DPY19L2: variants seen among roughly 807,000 people sequenced by gnomAD.
DPY19L2 encodes probable C-mannosyltransferase DPY19L2.
DPY19L2 carries 34 observed loss-of-function variants against 97.9 expected under a neutral mutation model. The observed-to-expected ratio is 0.35, with a 90% CI of 0.26 to 0.46. The LOEUF (loss-of-function observed/expected upper bound fraction) is 0.46. DPY19L2 is among the 20% of genes least tolerant of loss of function. The pLI, the probability that DPY19L2 is intolerant of heterozygous loss-of-function variation, is 1.00. For synonymous variants in DPY19L2, 230 were observed against 307.9 expected (o/e 0.75, Z 2.65); for missense variants, 623 against 911.4 (o/e 0.68, Z 4.07).
chr12:63,570,732 T>C, intron 20 of DPY19L2, 26 bp downstream of exon 20: 1 of 1,604,528 alleles, frequency 6.2e-7, no homozygotes, highest in Non-Finnish European at 8.5e-7. Flanking sequence ...AAGTGAGTCT[T>C]GAAGAAATAC....
Position 63,596,029 on chromosome 12 carries a change from C to T in DPY19L2, c.1470G>A (p.Leu490=), listed in dbSNP as rs776871419. Reference sequence around the variant, plus strand: ...GAAGCAATAATGTCTTTGTGTATCTCAGCGGAGTCTGAAATATACCAAATT... The same window carrying T: ...GAAGCAATAATGTCTTTGTGTATCTTAGCGGAGTCTGAAATATACCAAATT... ...EFDFMEKATP[L]RYTKTLLLPV... The change falls in exon 15 of 22, where the codon CTG becomes CTA. Residue 490 remains leucine, a synonymous_variant. Transcript: ENST00000324472. 5.6e-6 allele frequency: 9 copies of T among 1,599,840 alleles called. No individual in the cohort carries two copies. Among genetic ancestry groups the T allele is most frequent in the Middle Eastern group, 1.7e-4 (1 of 6,014 alleles).
intron 8 of DPY19L2, among the ~76,000 whole-genome samples, chr12:63,623,461 G>C (rs1414293956): frequency 1.3e-5 from 2 of 152,018 alleles, no homozygotes; most frequent in Admixed American, 6.5e-5. Context: ...AAGAGAAAAT[G>C]TAATTGTTTC....
rs541846168 is a variant in DPY19L2, at chr12:63,655,650, T to C, written c.588+5694A>G. 3.0e-4 allele frequency among the ~76,000 whole-genome samples: 45 copies of C among 152,040 alleles called. 1 individual carries two copies. Among genetic ancestry groups the C allele is most frequent in the Non-Finnish European group, 5.3e-4 (36 of 68,006 alleles). The stretch of plus-strand genomic sequence containing the variant: ...ACCATATCAGGATCTGTGGCCTATT[T>C]TTGTACCAGTAATGTGAAAAGGATA... On this transcript the variant is annotated intron_variant, in intron 4 of 21. Coordinates refer to ENST00000324472, the MANE Select transcript of DPY19L2 (RefSeq NM_173812.5).
Position 63,597,864 on chromosome 12 carries a change from T to C in DPY19L2, c.1406A>G (p.Asp469Gly), listed in dbSNP as rs749318591. 6.2e-7 allele frequency: 1 copy of C among 1,606,580 alleles called. No individual in the cohort carries two copies. The highest frequency in any genetic ancestry group is 8.5e-7 in the Non-Finnish European group (1 of 1,177,774). ...ACAGGTATATATTAAAGTATCAAAA[T>C]CTGTATACCTTAAGATTCTGGCTGC... ...LIAARILRYTDFDTLIYTCAP... is the reference protein window; with the variant it reads ...LIAARILRYTGFDTLIYTCAP... The change falls in exon 14 of 22, where the codon GAT becomes GGT. Residue 469 changes from aspartate (D) to glycine (G), a missense_variant. By Grantham distance (94) the Asp-to-Gly change is moderately conservative. Around this residue, in one of 6 missense-constraint regions of DPY19L2, gnomAD observed 294 missense variants for 446.2 expected, o/e 0.66. Transcript: ENST00000324472.
intron 4 of DPY19L2, among the ~76,000 whole-genome samples, chr12:63,660,169 T>C (rs887878310): frequency 1.3e-5 from 2 of 152,088 alleles, no homozygotes; most frequent in African/African-American, 4.8e-5. Context: ...CAATTCCACT[T>C]CTAGGTATAT....
At chr12:63,602,508 G>T (rs2939862) in intron 12 of DPY19L2, among the ~76,000 whole-genome samples, 2 of 152,060 alleles carry the variant, frequency 1.3e-5, no homozygotes, top group African/African-American at 4.8e-5. Flanking sequence ...CAAGAAAACT[G>T]TCCAGAAATA....
intron 11 of DPY19L2, among the ~76,000 whole-genome samples, chr12:63,611,360 G>T (rs1376504462): frequency 6.6e-6 from 1 of 151,598 alleles, no homozygotes; most frequent in African/African-American, 2.4e-5. Context: ...AAATAATCCA[G>T]CAGCTAACAA....
At chr12:63,597,981 T>C (rs1884526838) in intron 13 of DPY19L2, 71 bp from the exon 14 acceptor site, 4 of 1,206,528 alleles carry the variant, frequency 3.3e-6, no homozygotes, top group Admixed American at 2.6e-5. Flanking sequence ...TAATACTTTA[T>C]TGATGTAAGA....
At chr12:63,662,856 T>C (rs142950717) in intron 3 of DPY19L2, among the ~76,000 whole-genome samples, 3,381 of 152,150 alleles carry the variant, frequency 0.022, 144 homozygotes, top group African/African-American at 0.077. Flanking sequence ...GGGATGAAAA[T>C]TAAAAAGCAG....
Position 63,595,965 on chromosome 12 carries a change from C to T in DPY19L2, c.1533+1G>A, listed in dbSNP as rs1281069309. ...ACAAATAATAATTTGTTTAAAAATA[C>T]CTTTTTAAAGATAAAACATGTAATC... On this transcript the variant is annotated splice_donor_variant, in intron 15 of 21. Coordinates refer to ENST00000324472, the MANE Select transcript of DPY19L2 (RefSeq NM_173812.5). LOFTEE classifies it high-confidence loss of function. 2 of 1,573,516 alleles carry T rather than the reference C, an allele frequency of 1.3e-6. No homozygotes were observed. The highest frequency in any genetic ancestry group is 1.7e-6 in the Non-Finnish European group (2 of 1,157,622).
intron 6 of DPY19L2, among the ~76,000 whole-genome samples, chr12:63,628,938 T>A (rs1229237714): frequency 6.6e-6 from 1 of 151,852 alleles, no homozygotes; most frequent in East Asian, 1.9e-4. Flanking sequence ...CATCCACTGC[T>A]GATACCCACG....
intron 11 of DPY19L2, among the ~76,000 whole-genome samples, chr12:63,613,341 GA>G (rs1887318341): frequency 1.3e-5 from 2 of 152,094 alleles, no homozygotes; most frequent in African/African-American, 4.8e-5. Flanking sequence ...TATAACATTT[GA>G]AAATCAACCA....
At chr12:63,583,859 C>A in intron 16 of DPY19L2, 23 bp from the exon 17 acceptor site, 1 of 1,601,138 alleles carries the variant, frequency 6.2e-7, no homozygotes, top group Non-Finnish European at 8.5e-7. Context: ...AAAAATATTA[C>A]CTATTTACTG....
chr12:63,605,794 A>G (rs747914911), intron 12 of DPY19L2, among the ~76,000 whole-genome samples: 90 of 152,326 alleles, frequency 5.9e-4, no homozygotes, highest in Admixed American at 9.8e-4. Flanking sequence ...ATATTTGTGT[A>G]TAACATCTGG....
intron 11 of DPY19L2, among the ~76,000 whole-genome samples, chr12:63,615,605 C>T (rs1191320994): frequency 6.6e-6 from 1 of 152,122 alleles, no homozygotes; most frequent in African/African-American, 2.4e-5. Context: ...GACTGTGGTT[C>T]TTCAACAAAT....
In DPY19L2 at chr12:63,575,228, A is replaced by G. The variant is rs371454990; in HGVS notation, c.1901-4371T>C. Among the ~76,000 whole-genome samples, 15 of 152,220 alleles carry G rather than the reference A, an allele frequency of 9.9e-5. No homozygotes were observed. The East Asian group carries it at 2.7e-3, about 27-fold the overall frequency. ...ATGCTCCTGAATGACTGGTAGGTTA[A>G]TAAAGAAATCAAGAAGGAAATTGAA... On this transcript the variant is annotated intron_variant, in intron 19 of 21. Transcript: ENST00000324472.
chr12:63,666,907 C>T (rs1292703103), intron 1 of DPY19L2, among the ~76,000 whole-genome samples: 1 of 152,072 alleles, frequency 6.6e-6, no homozygotes. Context: ...TGGCTAACAA[C>T]ATAAATGCAA....
At chr12:63,646,245 C>G (rs973723601) in intron 5 of DPY19L2, among the ~76,000 whole-genome samples, 71 of 152,242 alleles carry the variant, frequency 4.7e-4, no homozygotes, top group African/African-American at 1.6e-3. Context: ...TAACTTATCA[C>G]TTATTGGGAA....
At chr12:63,584,777 G>A (rs1881496875) in intron 16 of DPY19L2, among the ~76,000 whole-genome samples, 1 of 152,150 alleles carries the variant, frequency 6.6e-6, no homozygotes, top group Non-Finnish European at 1.5e-5. Context: ...CCAAAGAGAA[G>A]CTGTAAAGTG....
Sources: allele counts gnomAD v4.1 joint callset (sites outside exome capture counted in the v4.1 genomes callset), GRCh38; gene constraint gnomAD v4.1.1; regional missense constraint gnomAD v4.1.1; transcripts MANE v1.5; gene names NCBI Gene and HGNC (gene_info 2026-07-23, HGNC 2026-07-21).